The following SNTG2 variants were observed in gnomAD, a reference collection of about 807,000 sequenced individuals.
SNTG2 encodes the protein syntrophin gamma 2.
Under a neutral mutation model 70.9 loss-of-function variants are expected in SNTG2, and 74 were observed. The ratio of observed to expected loss-of-function variants is 1.04; its 90% confidence interval spans 0.86 to 1.27. The LOEUF is 1.27. Among genes scored for constraint, SNTG2 ranks in the 50% most tolerant of loss-of-function variants. SNTG2 has a pLI of 0.00. For missense variants in SNTG2, 717 were observed against 690.7 expected, an observed-to-expected ratio of 1.04 and a Z score of -0.43; for synonymous variants, 278 against 273.8, an observed-to-expected ratio of 1.02 and a Z score of -0.15.
chr2:1,036,254 TTTCTTTCTTTTCTA>T (rs1661121323), intron 1 of SNTG2, among the ~76,000 whole-genome samples: 1 of 152,152 alleles, frequency 6.6e-6, no homozygotes, highest in South Asian at 2.1e-4. Flanking sequence ...TTGTTCTTTA[TTTCTTTCTTTTCTA>T]TATTTGTCAC....
At chr2:1,132,911 C>T (rs1668122194) in intron 4 of SNTG2, among the ~76,000 whole-genome samples, 1 of 152,216 alleles carries the variant, frequency 6.6e-6, no homozygotes, top group African/African-American at 2.4e-5. Context: ...AGTTTGGCCA[C>T]ATATGTGTCC....
intron 1 of SNTG2, among the ~76,000 whole-genome samples, chr2:1,057,393 A>G (rs1368495000): frequency 2.0e-5 from 3 of 152,128 alleles, no homozygotes; most frequent in Non-Finnish European, 2.9e-5. Flanking sequence ...AAAGGGGAGC[A>G]TATTAAGTAG....
chr2:1,250,816 G>T (rs10193047), intron 12 of SNTG2, among the ~76,000 whole-genome samples: 31,383 of 152,072 alleles, frequency 0.21, 4,383 homozygotes, highest in African/African-American at 0.39. Context: ...GTCCCTCAGA[G>T]ACAGTTTCAT....
chr2:1,057,034 G>A (rs541504919), intron 1 of SNTG2, among the ~76,000 whole-genome samples: 1 of 151,886 alleles, frequency 6.6e-6, no homozygotes, highest in African/African-American at 2.4e-5. Context: ...TGCGGGGAAC[G>A]ATGCATGCCG....
chr2:1,340,633 A>C (rs1660036675), intron 16 of SNTG2, among the ~76,000 whole-genome samples: 1 of 152,256 alleles, frequency 6.6e-6, no homozygotes, highest in Non-Finnish European at 1.5e-5. Flanking sequence ...CAGTACAAAA[A>C]TAAAATGTTT....
rs559556989 is a variant in SNTG2 at position 999,942 on chromosome 2, A to G, written c.72+48874A>G. Among the ~76,000 whole-genome samples, 4 of 152,100 alleles carry G rather than the reference A, an allele frequency of 2.6e-5. No homozygotes were observed. In the East Asian group the frequency reaches 5.8e-4, roughly 22 times the overall value. On this transcript the variant is annotated intron_variant, in intron 1 of 16. Transcript: ENST00000308624. ...ATAAAGTACTTTACTTTCTCAGACC[A>G]TAGTGGAATAAAACTAGAAATCAAT...
intron 13 of SNTG2, among the ~76,000 whole-genome samples, chr2:1,263,447 G>A (rs1330765471): frequency 1.3e-5 from 2 of 151,508 alleles, no homozygotes; most frequent in Non-Finnish European, 2.9e-5. Flanking sequence ...TGCTATAATT[G>A]TTTCATAATA....
At chr2:1,282,505 G>T (rs1679588722) in intron 14 of SNTG2, among the ~76,000 whole-genome samples, 1 of 152,206 alleles carries the variant, frequency 6.6e-6, no homozygotes, top group Non-Finnish European at 1.5e-5. Flanking sequence ...CCAGCTTCAG[G>T]CTGGGCTGAG....
chr2:1,093,675 G>C (rs1364839551), intron 2 of SNTG2, among the ~76,000 whole-genome samples: 1 of 152,200 alleles, frequency 6.6e-6, no homozygotes, highest in Non-Finnish European at 1.5e-5. Context: ...TTAAAATAAC[G>C]ATTTTTCATG....
chr2:1,294,446 C>G (rs1680118040), intron 14 of SNTG2, among the ~76,000 whole-genome samples: 1 of 152,228 alleles, frequency 6.6e-6, no homozygotes, highest in African/African-American at 2.4e-5. Context: ...AACTTAGATT[C>G]TTTATCTGAA....
intron 1 of SNTG2, among the ~76,000 whole-genome samples, chr2:1,049,161 C>G (rs972733287): frequency 6.6e-6 from 1 of 152,160 alleles, no homozygotes; most frequent in Non-Finnish European, 1.5e-5. Flanking sequence ...ATTGACAAGT[C>G]ATTGTCACCC....
chr2:1,366,300 T>A (rs756173299), intron 16 of SNTG2, among the ~76,000 whole-genome samples: 1 of 152,152 alleles, frequency 6.6e-6, no homozygotes, highest in African/African-American at 2.4e-5. Context: ...GACGGCAAGA[T>A]TCGTATTTTA....
intron 16 of SNTG2, among the ~76,000 whole-genome samples, chr2:1,365,246 C>G (rs1661416267): frequency 6.6e-6 from 1 of 152,182 alleles, no homozygotes; most frequent in Admixed American, 6.5e-5. Context: ...GTGAGGGATG[C>G]TGGTTACCAA....
chr2:1,355,268 A>G (rs1660784785), intron 16 of SNTG2, among the ~76,000 whole-genome samples: 1 of 152,218 alleles, frequency 6.6e-6, no homozygotes, highest in Non-Finnish European at 1.5e-5. Flanking sequence ...CGTGTTAACG[A>G]CATCCACGTT....
At chr2:1,251,269 T>C (rs1457267038) in intron 12 of SNTG2, among the ~76,000 whole-genome samples, 1 of 151,538 alleles carries the variant, frequency 6.6e-6, no homozygotes, top group Non-Finnish European at 1.5e-5. Flanking sequence ...CTCTGAAATA[T>C]AAAAATTTTG....
intron 1 of SNTG2, among the ~76,000 whole-genome samples, chr2:1,004,708 G>A (rs188687693): frequency 1.3e-3 from 199 of 152,302 alleles, no homozygotes; most frequent in African/African-American, 4.6e-3. Context: ...TTCGTTGTGG[G>A]TGTGAATGCA....
chr2:1,179,038 G>A (rs1232579386), intron 8 of SNTG2, among the ~76,000 whole-genome samples: 11 of 152,272 alleles, frequency 7.2e-5, no homozygotes, highest in Middle Eastern at 3.4e-3. Context: ...TTGGGAGGGT[G>A]TATGTGTCGA....
intron 1 of SNTG2, among the ~76,000 whole-genome samples, chr2:1,017,849 C>T (rs766586630): frequency 1.3e-5 from 2 of 152,122 alleles, no homozygotes; most frequent in African/African-American, 4.8e-5. Flanking sequence ...TGTCAGGTTC[C>T]GAGCACACAG....
intron 9 of SNTG2, among the ~76,000 whole-genome samples, chr2:1,235,676 G>T (rs973209812): frequency 6.6e-6 from 1 of 152,198 alleles, no homozygotes; most frequent in Admixed American, 6.5e-5. Context: ...GCTGCCCCAG[G>T]ATCCCTGCAG....
Sources: gnomAD v4.1 joint callset for allele counts (sites outside exome capture counted in the v4.1 genomes callset) on GRCh38, gnomAD v4.1.1 for gene constraint, MANE v1.5 for transcripts, NCBI Gene and HGNC (gene_info 2026-07-23, HGNC 2026-07-21) for gene names.